Variants in AGBL4 observed in about 807,000 individuals in gnomAD.
The protein encoded by AGBL4 is AGBL carboxypeptidase 4.
AGBL4 carries 58 observed loss-of-function variants against 66.4 expected under a neutral mutation model. The observed-to-expected ratio is 0.87, with a 90% CI of 0.71 to 1.09. The LOEUF (loss-of-function observed/expected upper bound fraction) is 1.09, where lower values mean the gene tolerates loss of function less well. AGBL4 is among the 50% of genes least tolerant of loss of function. The pLI is 0.00. For missense variants in AGBL4, 579 were observed against 631.0 expected (o/e 0.92, Z 0.88); for synonymous variants, 234 against 222.9 (o/e 1.05, Z -0.44).
intron 5 of AGBL4, among the ~76,000 whole-genome samples, chr1:49,024,653 A>G (rs1371037356): frequency 6.6e-6 from 1 of 152,230 alleles, no homozygotes; most frequent in Non-Finnish European, 1.5e-5. Context: ...CATGTTTGAC[A>G]TGTAGTAAGC....
intron 1 of AGBL4, among the ~76,000 whole-genome samples, chr1:50,004,005 T>C (rs765688111): frequency 3.6e-4 from 55 of 152,322 alleles, no homozygotes; most frequent in South Asian, 6.2e-4. Context: ...TTTAATTTCC[T>C]ATCTGTCACT....
chr1:49,078,324 C>T (rs972473827), intron 4 of AGBL4, among the ~76,000 whole-genome samples: 5 of 152,128 alleles, frequency 3.3e-5, no homozygotes, highest in African/African-American at 4.8e-5. Flanking sequence ...ATGTATCTCA[C>T]GTTGCACATT....
chr1:49,278,185 AT>A (rs1644207574), intron 3 of AGBL4, among the ~76,000 whole-genome samples: 1 of 152,126 alleles, frequency 6.6e-6, no homozygotes, highest in Non-Finnish European at 1.5e-5. Flanking sequence ...ATAACAAACC[AT>A]TCTGTGTCCC....
chr1:49,412,649 C>T (rs1645341249), intron 3 of AGBL4, among the ~76,000 whole-genome samples: 1 of 152,136 alleles, frequency 6.6e-6, no homozygotes, highest in Admixed American at 6.5e-5. Context: ...GTACTCTCCA[C>T]TGGCCAGAAA....
intron 6 of AGBL4, among the ~76,000 whole-genome samples, chr1:48,858,374 T>C (rs1258564296): frequency 1.3e-5 from 2 of 152,250 alleles, no homozygotes; most frequent in African/African-American, 4.8e-5. Context: ...CAAAAACTTT[T>C]GTGCAAATGT....
chr1:49,741,609 A>C (rs1196882536), intron 2 of AGBL4, among the ~76,000 whole-genome samples: 1 of 151,966 alleles, frequency 6.6e-6, no homozygotes, highest in Non-Finnish European at 1.5e-5. Context: ...AAAGAGAATC[A>C]TAGACCAATA....
rs1415597483 is a variant in AGBL4 at position 48,736,308 on chromosome 1, C to T, written c.635-73067G>A. 2.5e-6 allele frequency: 4 copies of T among 1,613,842 alleles called. No homozygotes were observed. Among genetic ancestry groups the T allele is most frequent in the East Asian group, 2.2e-5 (1 of 44,880 alleles). On this transcript the variant is annotated intron_variant, in intron 6 of 13. Coordinates refer to ENST00000371839, the MANE Select transcript of AGBL4 (RefSeq NM_032785.4). This position sits in a 1 kb window ranked among gnomAD's most constrained non-coding sequence, Gnocchi z 4.0. Reference sequence around the variant, plus strand: ...ACTGCATCTTTCTTTTTTTTTGTGGCGACGCCTGTGACGCTTCTGTTTTTC... The same window carrying T: ...ACTGCATCTTTCTTTTTTTTTGTGGTGACGCCTGTGACGCTTCTGTTTTTC...
intron 1 of AGBL4, among the ~76,000 whole-genome samples, chr1:49,860,773 A>AAAAAAAC (rs1553135703): frequency 6.6e-6 from 1 of 150,508 alleles, no homozygotes; most frequent in Non-Finnish European, 1.5e-5. Flanking sequence ...CCCAGCAAAA[A>AAAAAAAC]AAAAAACAAA....
chr1:49,624,949 G>GTT (rs1012794227), intron 3 of AGBL4, among the ~76,000 whole-genome samples: 19 of 151,982 alleles, frequency 1.3e-4, no homozygotes, highest in African/African-American at 3.9e-4. Context: ...TTCCCTATTA[G>GTT]TTTTTAACCC....
intron 4 of AGBL4, among the ~76,000 whole-genome samples, chr1:49,165,177 G>A (rs1646611779): frequency 6.6e-6 from 1 of 152,038 alleles, no homozygotes; most frequent in African/African-American, 2.4e-5. Context: ...ATATAGACAA[G>A]GGGAAGAATT....
At chr1:49,528,086 T>C (rs889807105) in intron 3 of AGBL4, among the ~76,000 whole-genome samples, 2 of 152,054 alleles carry the variant, frequency 1.3e-5, no homozygotes, top group African/African-American at 4.8e-5. Flanking sequence ...TTAGAGATGC[T>C]GAGGAAGTAT....
intron 5 of AGBL4, among the ~76,000 whole-genome samples, chr1:48,918,406 C>T (rs1334981433): frequency 6.6e-6 from 1 of 152,222 alleles, no homozygotes; most frequent in Non-Finnish European, 1.5e-5. Context: ...ATGACGGAAA[C>T]AACTGCCCTC....
chr1:49,843,159 C>T (rs1646043730), intron 2 of AGBL4, among the ~76,000 whole-genome samples: 1 of 152,174 alleles, frequency 6.6e-6, no homozygotes, highest in Non-Finnish European at 1.5e-5. Context: ...CGGGGTGTTG[C>T]TCTCTTGCCC....
At chr1:48,654,751 T>C (rs778834112) in intron 7 of AGBL4, among the ~76,000 whole-genome samples, 5 of 152,216 alleles carry the variant, frequency 3.3e-5, no homozygotes, top group Non-Finnish European at 7.3e-5. Context: ...CTGTGACCAG[T>C]GAGGGACATC....
chr1:49,933,153 A>G (rs1303733330), intron 1 of AGBL4, among the ~76,000 whole-genome samples: 1 of 152,192 alleles, frequency 6.6e-6, no homozygotes, highest in African/African-American at 2.4e-5. Context: ...TAAAGGCAGA[A>G]AGAAATTTGA....
intron 6 of AGBL4, among the ~76,000 whole-genome samples, chr1:48,830,873 T>C (rs1476644760): frequency 2.0e-5 from 3 of 152,200 alleles, no homozygotes; most frequent in Non-Finnish European, 4.4e-5. Flanking sequence ...CTAACAAATA[T>C]TGCTGAGGGC....
At chr1:49,249,394 A>T (rs1013898476) in intron 3 of AGBL4, among the ~76,000 whole-genome samples, 9 of 152,140 alleles carry the variant, frequency 5.9e-5, no homozygotes, top group South Asian at 2.1e-4. Flanking sequence ...AAAAAAAATT[A>T]AAAAATGGGA....
chr1:49,165,918 A>G, intron 4 of AGBL4, among the ~76,000 whole-genome samples: 1 of 152,030 alleles, frequency 6.6e-6, no homozygotes, highest in East Asian at 1.9e-4. Context: ...TGAATTTATG[A>G]TTATGTAACC....
intron 3 of AGBL4, among the ~76,000 whole-genome samples, chr1:49,666,875 A>C (rs1350178598): frequency 6.6e-6 from 1 of 152,138 alleles, no homozygotes; most frequent in Admixed American, 6.5e-5. Flanking sequence ...CAAAATTTGA[A>C]CTTAAGATGC....
Sources: allele counts gnomAD v4.1 joint callset (sites outside exome capture counted in the v4.1 genomes callset), GRCh38; gene constraint gnomAD v4.1.1; non-coding constraint Gnocchi (gnomAD v3.1); transcripts MANE v1.5; gene names NCBI Gene and HGNC (gene_info 2026-07-23, HGNC 2026-07-21).